SNCB: variants seen among roughly 807,000 people sequenced by gnomAD.
The protein encoded by SNCB is synuclein beta.
SNCB carries 8 observed loss-of-function variants against 20.0 expected under a neutral mutation model. That is an observed-to-expected ratio of 0.40 (90% confidence interval 0.24 to 0.72). The LOEUF is 0.72. SNCB is among the 30% of genes least tolerant of loss of function. The probability of loss-of-function intolerance (pLI) is 0.37; values close to 1 mark genes in which losing one functional copy is unlikely to be tolerated. For missense variants in SNCB, 125 were observed against 168.0 expected, an observed-to-expected ratio of 0.74 and a Z score of 1.41; for synonymous variants, 56 against 65.4, an observed-to-expected ratio of 0.86 and a Z score of 0.69.
rs1239617426 is a variant in SNCB, at chr5:176,621,589, C to T, written c.283-286G>A. 6.6e-6 allele frequency among the ~76,000 whole-genome samples: 1 copy of T among 152,214 alleles called. No individual in the cohort carries two copies. The highest frequency in any genetic ancestry group is 1.5e-5 in the Non-Finnish European group (1 of 68,030). ...TCCACACTTCCACCATTTGGATACTCAGTCACCAGCTTATGCCTCATCCTT... is the reference window on the plus strand; with the variant it reads ...TCCACACTTCCACCATTTGGATACTTAGTCACCAGCTTATGCCTCATCCTT... On this transcript the variant is annotated intron_variant, in intron 4 of 5. Transcript: ENST00000393693. The surrounding 1 kb of genome is among the most constrained non-coding windows in gnomAD (Gnocchi z 4.1).
chr5:176,628,594 G>A (rs1760123547), intron 2 of SNCB, among the ~76,000 whole-genome samples: 2 of 151,988 alleles, frequency 1.3e-5, no homozygotes, highest in Admixed American at 6.6e-5. Context: ...ACTACTTCCT[G>A]CCCTGCCCCC....
At position 176,626,799 on chromosome 5, in the gene SNCB, G is replaced by A. The variant is rs372331204; in HGVS notation, c.122-38C>T. The A allele has an allele frequency of 1.1e-4, 183 of 1,611,106 alleles. No homozygotes were observed. Among genetic ancestry groups the A allele is most frequent in the Admixed American group, 2.0e-4 (12 of 59,996 alleles). ...AAAGCGGCACATTTAAGGACTCTGC[G>A]CTGAGGGAACAGAAACTCCAGCACA... On this transcript the variant is annotated intron_variant, in intron 2 of 5. Transcript: ENST00000393693. The surrounding 1 kb of genome is among the most constrained non-coding windows in gnomAD (Gnocchi z 4.2).
chr5:176,621,141 T>A lies in SNCB; in HGVS notation c.372+73A>T. The A allele has an allele frequency of 1.6e-6, 2 of 1,221,268 alleles. No homozygotes were observed. Among genetic ancestry groups the A allele is most frequent in the Non-Finnish European group, 2.4e-6 (2 of 842,656 alleles). The allele number at this position is 1,221,268 out of a possible 1,614,324, so 75.7% of individuals were successfully genotyped here. On this transcript the variant is annotated intron_variant, in intron 5 of 5. Transcript: ENST00000393693. This position sits in a 1 kb window ranked among gnomAD's most constrained non-coding sequence, Gnocchi z 4.1. ...GCCCAACCATCTCATGCCAGGGATG[T>A]CCCACCCCAGCTAGGGACGGCAGCA...
In SNCB at chr5:176,629,739, G is replaced by A; in HGVS notation, c.-9-76C>T. 1 of 1,545,746 alleles carries A rather than the reference G, an allele frequency of 6.5e-7. No individual in the cohort carries two copies. Among genetic ancestry groups the A allele is most frequent in the Non-Finnish European group, 8.8e-7 (1 of 1,141,444 alleles). On this transcript the variant is annotated intron_variant, in intron 1 of 5. Coordinates refer to ENST00000393693, the MANE Select transcript of SNCB (RefSeq NM_003085.5). The surrounding 1 kb of genome is among the most constrained non-coding windows in gnomAD (Gnocchi z 4.1). ...CCAGCCCCTCCCGCGGGACGCAGAT[G>A]CCCCCCTACTCCCGAGACCGCGGCG...
intron 4 of SNCB, among the ~76,000 whole-genome samples, chr5:176,624,156 G>A (rs904937077): frequency 1.1e-4 from 16 of 152,210 alleles, no homozygotes; most frequent in Admixed American, 5.2e-4. Context: ...AAATGGTTCT[G>A]TGCAAACACC....
chr5:176,626,141 C>T lies in SNCB; in HGVS notation c.282+257G>A, dbSNP rs1377049746. On this transcript the variant is annotated intron_variant, in intron 4 of 5. Transcript: ENST00000393693. The surrounding 1 kb of genome is among the most constrained non-coding windows in gnomAD (Gnocchi z 4.2). ...CCAGAAGTCATCTGGGTCACGCTGG[C>T]AAGCAGGATACACGCAGACAGCCAG... 6.6e-6 allele frequency among the ~76,000 whole-genome samples: 1 copy of T among 152,090 alleles called. No individual in the cohort carries two copies. Among genetic ancestry groups the T allele is most frequent in the Non-Finnish European group, 1.5e-5 (1 of 68,028 alleles).
chr5:176,622,073 G>A (rs1011945854), intron 4 of SNCB, among the ~76,000 whole-genome samples: 4 of 152,204 alleles, frequency 2.6e-5, no homozygotes, highest in African/African-American at 4.8e-5. Flanking sequence ...CTGGGATCCC[G>A]GAGCATTGGT....
chr5:176,627,620 T>C (rs770632007), intron 2 of SNCB, among the ~76,000 whole-genome samples: 38 of 149,114 alleles, frequency 2.5e-4, no homozygotes, highest in Non-Finnish European at 4.6e-4. Context: ...ACAACAGTGA[T>C]GGAGCCAGAA....
intron 2 of SNCB, among the ~76,000 whole-genome samples, chr5:176,628,831 A>G (rs1760139708): frequency 6.6e-6 from 1 of 152,196 alleles, no homozygotes; most frequent in Non-Finnish European, 1.5e-5. Flanking sequence ...TATTTTTCAA[A>G]TGGCCACAAT....
At chr5:176,627,165 G>A (rs528706536) in intron 2 of SNCB, among the ~76,000 whole-genome samples, 6 of 152,354 alleles carry the variant, frequency 3.9e-5, no homozygotes, top group Non-Finnish European at 5.9e-5. Context: ...TTCAAGTTCA[G>A]GCCTTTCTGA....
intron 2 of SNCB, among the ~76,000 whole-genome samples, chr5:176,627,655 C>T (rs13161401): frequency 0.39 from 53,067 of 137,690 alleles, 11,819 homozygotes; most frequent in Non-Finnish European, 0.52. Context: ...AGACTGAGCC[C>T]GGCGGGGGGG....
At chr5:176,627,123 G>A (rs1760011879) in intron 2 of SNCB, among the ~76,000 whole-genome samples, 1 of 152,212 alleles carries the variant, frequency 6.6e-6, no homozygotes, top group Admixed American at 6.5e-5. Context: ...GCTCAGTGTG[G>A]GTTCCACCAC....
chr5:176,620,647 A>G lies in SNCB; in HGVS notation c.*164T>C. 1 of 677,024 alleles carries G rather than the reference A, an allele frequency of 1.5e-6. No homozygotes were observed. The highest frequency in any genetic ancestry group is 1.7e-5 in the South Asian group (1 of 59,310). 41.9% of individuals were successfully genotyped at this position (677,024 alleles called of 1,614,324 possible). A position where few individuals can be genotyped will look rare whatever the true frequency, so the allele number is the denominator to read the frequency against. ...CCGGGGTTGGACGCGGGCGGGTAGG[A>G]CAGACAGATGGACAGACACTAACAC... On this transcript the variant is annotated 3_prime_UTR_variant, in exon 6 of 6. Transcript: ENST00000393693. This position sits in a 1 kb window ranked among gnomAD's most constrained non-coding sequence, Gnocchi z 4.5.
In SNCB at chr5:176,621,346, G is replaced by A; in HGVS notation, c.283-43C>T. 3 of 1,539,604 alleles carry A rather than the reference G, an allele frequency of 1.9e-6. No individual in the cohort carries two copies. Among genetic ancestry groups the A allele is most frequent in the Non-Finnish European group, 2.7e-6 (3 of 1,121,378 alleles). ...CAGGACTCGTGAGGACAGCCAGGAT[G>A]CCCCCCAAATTCCCACAGTGGTAAG... On this transcript the variant is annotated intron_variant, in intron 4 of 5. Transcript: ENST00000393693. This position sits in a 1 kb window ranked among gnomAD's most constrained non-coding sequence, Gnocchi z 4.1.
chr5:176,628,901 C>T (rs1348908933), intron 2 of SNCB, among the ~76,000 whole-genome samples: 1 of 152,186 alleles, frequency 6.6e-6, no homozygotes, highest in Non-Finnish European at 1.5e-5. Flanking sequence ...TGATACCAGC[C>T]AGTGGTTGCA....
chr5:176,626,380 G>T lies in SNCB; in HGVS notation c.282+18C>A. On this transcript the variant is annotated intron_variant, in intron 4 of 5. Transcript: ENST00000393693. This position sits in a 1 kb window ranked among gnomAD's most constrained non-coding sequence, Gnocchi z 4.2. ...TGTGTGTGTTTGCCTGCATGTGCGG[G>T]TCAGAAGGATCGCTTACCTTCAGAT... 6.8e-7 allele frequency: 1 copy of T among 1,468,914 alleles called. No individual in the cohort carries two copies. The allele number at this position is 1,468,914 out of a possible 1,614,324, so 91.0% of individuals were successfully genotyped here. A position where few individuals can be genotyped will look rare whatever the true frequency, so the allele number is the denominator to read the frequency against.
Position 176,626,304 on chromosome 5 carries a change from C to T in SNCB, c.282+94G>A, listed in dbSNP as rs893225911. 19 of 925,902 alleles carry T rather than the reference C, an allele frequency of 2.1e-5. No individual in the cohort carries two copies. The highest frequency in any genetic ancestry group is 1.1e-4 in the African/African-American group (7 of 60,878). The allele number at this position is 925,902 out of a possible 1,614,324, so 57.4% of individuals were successfully genotyped here. On this transcript the variant is annotated intron_variant, in intron 4 of 5. Coordinates refer to ENST00000393693, the MANE Select transcript of SNCB (RefSeq NM_003085.5). The surrounding 1 kb of genome is among the most constrained non-coding windows in gnomAD (Gnocchi z 4.2). ...CAAGCTGGTGGCAGGATTAGGGGGG[C>T]GGGGATGGTGACAGGTTTATTTGTG...
chr5:176,620,879 CA>C lies in SNCB; in HGVS notation c.373-37del. Reference sequence around the variant, plus strand: ...GGGATGGGGGTGGAGTAGAGAAGAGCAAAAAGGAGGAGGAGTTTGAGACCAA... The same window carrying C: ...GGGATGGGGGTGGAGTAGAGAAGAGCAAAAGGAGGAGGAGTTTGAGACCAA... On this transcript the variant is annotated intron_variant, in intron 5 of 5. Coordinates refer to ENST00000393693, the MANE Select transcript of SNCB (RefSeq NM_003085.5). This position sits in a 1 kb window ranked among gnomAD's most constrained non-coding sequence, Gnocchi z 4.5. The C allele has an allele frequency of 1.2e-6, 2 of 1,604,932 alleles. No homozygotes were observed. The highest frequency in any genetic ancestry group is 1.7e-6 in the Non-Finnish European group (2 of 1,171,842).
At position 176,626,115 on chromosome 5, in the gene SNCB, G is replaced by A. The variant is rs1046055989; in HGVS notation, c.282+283C>T. Among the ~76,000 whole-genome samples the A allele has an allele frequency of 1.3e-5, 2 of 152,068 alleles. No homozygotes were observed. The highest frequency in any genetic ancestry group is 2.9e-5 in the Non-Finnish European group (2 of 67,984). On this transcript the variant is annotated intron_variant, in intron 4 of 5. Coordinates refer to ENST00000393693, the MANE Select transcript of SNCB (RefSeq NM_003085.5). This position sits in a 1 kb window ranked among gnomAD's most constrained non-coding sequence, Gnocchi z 4.2. Reference sequence around the variant, plus strand: ...ACAATCATTGACACATGCAGACGTGGCCAGAAGTCATCTGGGTCACGCTGG... The same window carrying A: ...ACAATCATTGACACATGCAGACGTGACCAGAAGTCATCTGGGTCACGCTGG...
Sources: gnomAD v4.1 joint callset for allele counts (sites outside exome capture counted in the v4.1 genomes callset) on GRCh38, gnomAD v4.1.1 for gene constraint, Gnocchi (gnomAD v3.1) non-coding constraint, MANE v1.5 for transcripts, NCBI Gene and HGNC (gene_info 2026-07-23, HGNC 2026-07-21) for gene names.